The following NR5A1 variants were observed in gnomAD, a reference collection of about 807,000 sequenced individuals.
The protein encoded by NR5A1 is nuclear receptor subfamily 5 group A member 1.
In NR5A1, 6 loss-of-function variants were observed where a neutral mutation model predicts 42.7. That is an observed-to-expected ratio of 0.14 (90% CI 0.08 to 0.28). The LOEUF (loss-of-function observed/expected upper bound fraction) is 0.28. Ranked by LOEUF, NR5A1 falls within the 10% of genes least tolerant of loss-of-function variation. The probability of loss-of-function intolerance (pLI) is 1.00; values close to 1 mark genes in which losing one functional copy is unlikely to be tolerated. For missense variants in NR5A1, 442 were observed against 626.4 expected (o/e 0.71, Z 3.14); for synonymous variants, 274 against 277.5 (o/e 0.99, Z 0.12).
intron 4 of NR5A1, among the ~76,000 whole-genome samples, chr9:124,493,876 C>T (rs973553251): frequency 1.3e-5 from 2 of 152,334 alleles, no homozygotes; most frequent in South Asian, 2.1e-4. Flanking sequence ...TGTCCTTTGA[C>T]TCTGCAGGAC....
chr9:124,491,235 G>A lies in NR5A1; in HGVS notation c.991-7C>T. On this transcript the variant is annotated splice_region_variant and splice_polypyrimidine_tract_variant and intron_variant, in intron 5 of 6. Transcript: ENST00000373588. Reference sequence around the variant, plus strand: ...CCACTGTGGTCAGCTCCACCTGGGGGCAGAGGGCACGGGGCGGGGGACAGT... The same window carrying A: ...CCACTGTGGTCAGCTCCACCTGGGGACAGAGGGCACGGGGCGGGGGACAGT... 1 of 1,597,628 alleles carries A rather than the reference G, an allele frequency of 6.3e-7. No homozygotes were observed. Among genetic ancestry groups the A allele is most frequent in the East Asian group, 2.2e-5 (1 of 44,596 alleles).
intron 4 of NR5A1, among the ~76,000 whole-genome samples, chr9:124,497,914 T>TC (rs774260282): frequency 1.7e-4 from 26 of 152,206 alleles, no homozygotes; most frequent in Middle Eastern, 3.4e-3. Context: ...CTGTTTGCTC[T>TC]CCCCCCAGGG....
At chr9:124,486,816 TCAAA>T (rs1832217721) in intron 6 of NR5A1, among the ~76,000 whole-genome samples, 1 of 151,538 alleles carries the variant, frequency 6.6e-6, no homozygotes, top group Non-Finnish European at 1.5e-5. Flanking sequence ...GGGAGCGGGG[TCAAA>T]CAAACCTGGA....
rs1832465258 is a variant in NR5A1, at chr9:124,501,114, C to A, written c.245-399G>T. On this transcript the variant is annotated intron_variant, in intron 3 of 6. Transcript: ENST00000373588. The surrounding 1 kb of genome is among the most constrained non-coding windows in gnomAD (Gnocchi z 4.1). ...ATGCAAACGGGCTCTACTGTCCTTG[C>A]CCCAGGTGCCCTGTCCTTGCCCACT... The A allele has an allele frequency of 2.1e-6, 1 of 484,528 alleles. No individual in the cohort carries two copies. Among genetic ancestry groups the A allele is most frequent in the South Asian group, 1.6e-5 (1 of 63,514 alleles). The allele number at this position is 484,528 out of a possible 1,614,324, so 30.0% of individuals were successfully genotyped here.
chr9:124,493,236 A>G (rs1192980940), intron 4 of NR5A1, 87 bp from the exon 5 acceptor site: 25 of 1,513,754 alleles, frequency 1.7e-5, no homozygotes, highest in African/African-American at 4.1e-5. Context: ...CTGAGACCCA[A>G]CTAGGCGTGC....
At position 124,500,331 on chromosome 9, in the gene NR5A1, G is replaced by A. The variant is rs900214501; in HGVS notation, c.629C>T (p.Pro210Leu). The A allele has an allele frequency of 1.5e-5, 24 of 1,557,304 alleles. No individual in the cohort carries two copies. Among genetic ancestry groups the A allele is most frequent in the African/African-American group, 5.5e-5 (4 of 73,374 alleles). The stretch of plus-strand genomic sequence containing the variant: ...AGAGAAGGGCTCTGGGTAGCCGTAC[G>A]GCAGCCCAGGCTGTGGGGGGCTGGC... ...PYASPPQPGLPYGYPEPFSGG... is the reference protein window; with the variant it reads ...PYASPPQPGLLYGYPEPFSGG... The change falls in exon 4 of 7, where the codon CCG becomes CTG. Residue 210 changes from proline (P) to leucine (L), a missense_variant. Pro to Leu is a moderately conservative substitution (Grantham distance 98). Coordinates refer to ENST00000373588, the MANE Select transcript of NR5A1 (RefSeq NM_004959.5). This position sits in a 1 kb window ranked among gnomAD's most constrained non-coding sequence, Gnocchi z 6.9.
chr9:124,500,153 G>C lies in NR5A1; in HGVS notation c.807C>G (p.Ala269=), dbSNP rs754566939. 6.2e-7 allele frequency: 1 copy of C among 1,612,884 alleles called. No individual in the cohort carries two copies. ...PAAFGLLCRM[A]DQTFISIVDW... ...CCACGATGGAGATGAAGGTCTGGTC[G>C]GCCATTCTGCACAGGAGGCCGAAGG... The change falls in exon 4 of 7, where the codon GCC becomes GCG. Residue 269 remains alanine (A), a synonymous_variant. Transcript: ENST00000373588. The surrounding 1 kb of genome is among the most constrained non-coding windows in gnomAD (Gnocchi z 6.9).
intron 4 of NR5A1, among the ~76,000 whole-genome samples, chr9:124,497,242 T>C (rs1029316879): frequency 6.6e-6 from 1 of 152,026 alleles, no homozygotes; most frequent in African/African-American, 2.4e-5. Context: ...TTATTTCAAC[T>C]CCTCCCATTT....
intron 4 of NR5A1, among the ~76,000 whole-genome samples, chr9:124,495,879 CT>C (rs1172521081): frequency 6.6e-6 from 1 of 152,222 alleles, no homozygotes; most frequent in Non-Finnish European, 1.5e-5. Context: ...AATATGGTCG[CT>C]GAGGCTTTGG....
At chr9:124,504,218 G>A (rs879373973) in intron 1 of NR5A1, among the ~76,000 whole-genome samples, 1 of 152,070 alleles carries the variant, frequency 6.6e-6, no homozygotes. Context: ...CCGGAGAGAC[G>A]AGGCCGGGGA....
At position 124,503,489 on chromosome 9, in the gene NR5A1, G is replaced by A; in HGVS notation, c.-15-79C>T. On this transcript the variant is annotated intron_variant, in intron 1 of 6. Transcript: ENST00000373588. This position sits in a 1 kb window ranked among gnomAD's most constrained non-coding sequence, Gnocchi z 9.6. ...CCCCGCGGCCGCCGCCCCAGCCGCT[G>A]TCGCCGGCCCGTCGCGTAATCCCCT... 1 of 1,214,558 alleles carries A rather than the reference G, an allele frequency of 8.2e-7. No homozygotes were observed. The highest frequency in any genetic ancestry group is 1.1e-6 in the Non-Finnish European group (1 of 878,788). 75.2% of individuals were successfully genotyped at this position (1,214,558 alleles called of 1,614,324 possible).
At chr9:124,492,683 C>T (rs1443969237) in intron 5 of NR5A1, among the ~76,000 whole-genome samples, 1 of 152,128 alleles carries the variant, frequency 6.6e-6, no homozygotes, top group African/African-American at 2.4e-5. Flanking sequence ...GACGTGGGGA[C>T]TGCCCCCCTC....
chr9:124,489,184 G>A (rs372478475), intron 6 of NR5A1, among the ~76,000 whole-genome samples: 1 of 152,200 alleles, frequency 6.6e-6, no homozygotes, highest in East Asian at 1.9e-4. Context: ...CCCTTCAGGG[G>A]ACACCCAAGG....
In NR5A1 at chr9:124,503,470, G is replaced by T; in HGVS notation, c.-15-60C>A. The T allele has an allele frequency of 7.1e-7, 1 of 1,408,756 alleles. No individual in the cohort carries two copies. Among genetic ancestry groups the T allele is most frequent in the Non-Finnish European group, 9.7e-7 (1 of 1,033,666 alleles). The allele number at this position is 1,408,756 out of a possible 1,614,324, so 87.3% of individuals were successfully genotyped here. ...GAGACCGGCAGCCTGGGGTCCCCGC[G>T]GCCGCCGCCCCAGCCGCTGTCGCCG... On this transcript the variant is annotated intron_variant, in intron 1 of 6. Transcript: ENST00000373588. The surrounding 1 kb of genome is among the most constrained non-coding windows in gnomAD (Gnocchi z 9.6).
rs1429482907 is a variant in NR5A1, at chr9:124,500,812, C to T, written c.245-97G>A. ...TTCCAAACAAATCTGACCGCTCTCT[C>T]CCCTGCTCAACACCCTTTCATGGCT... On this transcript the variant is annotated intron_variant, in intron 3 of 6. Coordinates refer to ENST00000373588, the MANE Select transcript of NR5A1 (RefSeq NM_004959.5). This position sits in a 1 kb window ranked among gnomAD's most constrained non-coding sequence, Gnocchi z 6.9. 12 of 1,584,580 alleles carry T rather than the reference C, an allele frequency of 7.6e-6. No individual in the cohort carries two copies. Among genetic ancestry groups the T allele is most frequent in the South Asian group, 5.6e-5 (5 of 89,930 alleles).
At position 124,496,607 on chromosome 9, in the gene NR5A1, G is replaced by A. The variant is rs781748168; in HGVS notation, c.871-3458C>T. 6.6e-6 allele frequency among the ~76,000 whole-genome samples: 1 copy of A among 152,190 alleles called. No homozygotes were observed. The highest frequency in any genetic ancestry group is 1.5e-5 in the Non-Finnish European group (1 of 68,022). Reference sequence around the variant, plus strand: ...TCCGATTGGTCTGGCTGTGAAGGCCGGTGGGCTGTGTAATTCTCTGGTGGC... The same window carrying A: ...TCCGATTGGTCTGGCTGTGAAGGCCAGTGGGCTGTGTAATTCTCTGGTGGC... On this transcript the variant is annotated intron_variant, in intron 4 of 6. Coordinates refer to ENST00000373588, the MANE Select transcript of NR5A1 (RefSeq NM_004959.5). The surrounding 1 kb of genome is among the most constrained non-coding windows in gnomAD (Gnocchi z 5.0).
chr9:124,493,865 G>A (rs910171601), intron 4 of NR5A1, among the ~76,000 whole-genome samples: 1 of 152,202 alleles, frequency 6.6e-6, no homozygotes, highest in African/African-American at 2.4e-5. Context: ...CCTGTTTGGA[G>A]TGTCCTTTGA....
At chr9:124,488,269 C>T (rs558232363) in intron 6 of NR5A1, among the ~76,000 whole-genome samples, 2 of 152,284 alleles carry the variant, frequency 1.3e-5, no homozygotes, top group African/African-American at 4.8e-5. Flanking sequence ...CCTGATCACA[C>T]TGAACTGATG....
chr9:124,497,012 G>A (rs192375458), intron 4 of NR5A1, among the ~76,000 whole-genome samples: 57 of 152,260 alleles, frequency 3.7e-4, no homozygotes, highest in Admixed American at 2.0e-3. Flanking sequence ...ACCCTCAGAC[G>A]GTCCCAGAAC....
Sources: gnomAD v4.1 joint callset for allele counts (sites outside exome capture counted in the v4.1 genomes callset) on GRCh38, gnomAD v4.1.1 for gene constraint, Gnocchi (gnomAD v3.1) non-coding constraint, MANE v1.5 for transcripts, NCBI Gene and HGNC (gene_info 2026-07-23, HGNC 2026-07-21) for gene names.